Variants in CAMTA1 observed in about 807,000 individuals in gnomAD.
CAMTA1 encodes calmodulin binding transcription activator 1, also known as calmodulin-binding transcription activator 1.
Under a neutral mutation model 170.9 loss-of-function variants are expected in CAMTA1, and 27 were observed. The observed-to-expected ratio is 0.16, with a 90% CI of 0.12 to 0.22. CAMTA1 has a LOEUF of 0.22. Among genes scored for constraint, CAMTA1 ranks in the 10% least tolerant of loss-of-function variants. CAMTA1 has a pLI of 1.00. For missense variants in CAMTA1, 1,619 were observed against 2,217.2 expected, an observed-to-expected ratio of 0.73 and a Z score of 5.42; for synonymous variants, 833 against 891.5, an observed-to-expected ratio of 0.93 and a Z score of 1.17.
intron 3 of CAMTA1, among the ~76,000 whole-genome samples, chr1:6,939,405 T>C (rs1325727037): frequency 6.6e-6 from 1 of 152,190 alleles, no homozygotes; most frequent in Non-Finnish European, 1.5e-5. Context: ...GTCCAGAATG[T>C]AGAAAAGAAA....
At chr1:7,493,217 ACACGCACACACAAACGTACAAT>A (rs1329114509) in intron 6 of CAMTA1, among the ~76,000 whole-genome samples, 2 of 151,598 alleles carry the variant, frequency 1.3e-5, no homozygotes, top group East Asian at 4.0e-4. Flanking sequence ...ACCTACATAC[ACACGCACACACAAACGTACAAT>A]CACGCACACA....
At position 7,685,659 on chromosome 1, in the gene CAMTA1, T is replaced by C. The variant is rs902463275; in HGVS notation, c.2914+7926T>C. Among the ~76,000 whole-genome samples, 2 of 152,138 alleles carry C rather than the reference T, an allele frequency of 1.3e-5. No homozygotes were observed. The highest frequency in any genetic ancestry group is 6.5e-5 in the Admixed American group (1 of 15,270). ...TCTCTCCTGACTACTCTCTTCTCCCTGCCCACGCTCCCTGAGGGCTTCTTC... is the reference window on the plus strand; with the variant it reads ...TCTCTCCTGACTACTCTCTTCTCCCCGCCCACGCTCCCTGAGGGCTTCTTC... On this transcript the variant is annotated intron_variant, in intron 11 of 22. Coordinates refer to ENST00000303635, the MANE Select transcript of CAMTA1 (RefSeq NM_015215.4). This position sits in a 1 kb window ranked among gnomAD's most constrained non-coding sequence, Gnocchi z 5.7.
At position 7,675,394 on chromosome 1, in the gene CAMTA1, C is replaced by T. The variant is rs111339066; in HGVS notation, c.2780-2205C>T. Among the ~76,000 whole-genome samples the T allele has an allele frequency of 5.8e-3, 876 of 152,264 alleles. 3 individuals are homozygous for T. The highest frequency in any genetic ancestry group is 8.7e-3 in the Non-Finnish European group (591 of 68,028). ...GCAATGGGAGGCTGTTAGCTTTAAG[C>T]AGGGAGTGGCTTGATCTAAATGATG... On this transcript the variant is annotated intron_variant, in intron 10 of 22. Coordinates refer to ENST00000303635, the MANE Select transcript of CAMTA1 (RefSeq NM_015215.4).
chr1:7,441,446 G>C (rs1457716871), intron 5 of CAMTA1: 1 of 152,368 alleles, frequency 6.6e-6, no homozygotes, highest in African/African-American at 2.4e-5. Context: ...TACTCAGACA[G>C]AGCTGTCTCT....
At chr1:7,172,629 C>CCCACACAT (rs1649893475) in intron 4 of CAMTA1, among the ~76,000 whole-genome samples, 6 of 152,198 alleles carry the variant, frequency 3.9e-5, no homozygotes, top group Non-Finnish European at 7.3e-5. Context: ...GGATGCCCAG[C>CCCACACAT]CTGGGGATGC....
intron 3 of CAMTA1, among the ~76,000 whole-genome samples, chr1:6,901,934 A>G (rs1484990441): frequency 6.6e-6 from 1 of 151,780 alleles, no homozygotes; most frequent in Non-Finnish European, 1.5e-5. Context: ...TATTCCAGCT[A>G]CTTGGGAGGC....
At chr1:6,864,281 T>A (rs1385087626) in intron 3 of CAMTA1, among the ~76,000 whole-genome samples, 7 of 152,208 alleles carry the variant, frequency 4.6e-5, no homozygotes. Context: ...AGTCACTCTT[T>A]GCAGCCACTG....
chr1:7,131,064 C>T (rs922469589), intron 4 of CAMTA1, among the ~76,000 whole-genome samples: 1 of 152,048 alleles, frequency 6.6e-6, no homozygotes, highest in Non-Finnish European at 1.5e-5. Flanking sequence ...AGCGATTCTC[C>T]TGCCTCAGCC....
At chr1:7,703,555 T>C (rs1394304289) in intron 11 of CAMTA1, among the ~76,000 whole-genome samples, 2 of 152,152 alleles carry the variant, frequency 1.3e-5, no homozygotes, top group Non-Finnish European at 2.9e-5. Context: ...TTAAGGGCTC[T>C]GCAAATGTTG....
intron 6 of CAMTA1, among the ~76,000 whole-genome samples, chr1:7,480,834 T>G (rs1429487371): frequency 2.6e-5 from 4 of 152,138 alleles, no homozygotes; most frequent in African/African-American, 9.7e-5. Context: ...CACGTTCATA[T>G]CTATGTCCTG....
chr1:7,392,294 T>C (rs1356479007), intron 5 of CAMTA1, among the ~76,000 whole-genome samples: 3 of 151,002 alleles, frequency 2.0e-5, no homozygotes, highest in African/African-American at 7.3e-5. Context: ...TTGCTCTTGT[T>C]ACCCAGGCTG....
chr1:7,077,922 A>T (rs900680238), intron 3 of CAMTA1, among the ~76,000 whole-genome samples: 1 of 152,104 alleles, frequency 6.6e-6, no homozygotes, highest in Non-Finnish European at 1.5e-5. Context: ...AATGTTCTAA[A>T]GCAGAGGTGT....
intron 4 of CAMTA1, among the ~76,000 whole-genome samples, chr1:7,171,530 C>G (rs1363889302): frequency 2.0e-5 from 3 of 152,188 alleles, no homozygotes; most frequent in Non-Finnish European, 4.4e-5. Flanking sequence ...GAAATAGTTT[C>G]TGCTCTTAAG....
intron 3 of CAMTA1, among the ~76,000 whole-genome samples, chr1:6,968,220 G>T (rs536994279): frequency 1.3e-5 from 2 of 152,256 alleles, no homozygotes; most frequent in East Asian, 3.9e-4. Context: ...ATGTGGCCCC[G>T]GGTGTGTTTT....
At chr1:6,798,601 TTTTTTTG>T (rs1557569936) in intron 1 of CAMTA1, among the ~76,000 whole-genome samples, 17 of 97,162 alleles carry the variant, frequency 1.7e-4, no homozygotes, top group African/African-American at 4.1e-4. Flanking sequence ...TTTTTTTTTT[TTTTTTTG>T]AGACGGAGTC....
chr1:7,578,509 C>T (rs1277435330), intron 6 of CAMTA1, among the ~76,000 whole-genome samples: 4 of 152,200 alleles, frequency 2.6e-5, no homozygotes, highest in African/African-American at 4.8e-5. Context: ...ACCTGCCCTC[C>T]GCCCCTACCG....
intron 4 of CAMTA1, among the ~76,000 whole-genome samples, chr1:7,218,292 C>T (rs114548356): frequency 0.011 from 1,622 of 152,298 alleles, 21 homozygotes; most frequent in African/African-American, 0.037. Flanking sequence ...TCCCCCTCCA[C>T]CTTATGGTTG....
At chr1:7,687,098 C>T (rs112890740) in intron 11 of CAMTA1, among the ~76,000 whole-genome samples, 6 of 151,848 alleles carry the variant, frequency 4.0e-5, no homozygotes, top group African/African-American at 9.7e-5. Flanking sequence ...AGGAGTCCTC[C>T]GCGTGCAGAT....
At position 7,324,214 on chromosome 1, in the gene CAMTA1, GAATATTTCATC is replaced by G. The variant is rs1557517218; in HGVS notation, c.438+74594_438+74604del. The stretch of plus-strand genomic sequence containing the variant: ...AAGTTCAGAGTTGTAACTTCCTCTT[GAATATTTCATC>G]AATATGGTGATCCTCTTTATCTCTA... On this transcript the variant is annotated intron_variant, in intron 5 of 22. Transcript: ENST00000303635. Among the ~76,000 whole-genome samples, 6 of 152,142 alleles carry G rather than the reference GAATATTTCATC, an allele frequency of 3.9e-5. No homozygotes were observed. The South Asian group carries it at 1.0e-3, about 26-fold the overall frequency.
Sources: allele counts gnomAD v4.1 joint callset (sites outside exome capture counted in the v4.1 genomes callset), GRCh38; gene constraint gnomAD v4.1.1; non-coding constraint Gnocchi (gnomAD v3.1); transcripts MANE v1.5; gene names NCBI Gene and HGNC (gene_info 2026-07-23, HGNC 2026-07-21).